Variants in TMCO5A observed in about 807,000 individuals in gnomAD.
The protein encoded by TMCO5A is transmembrane and coiled-coil domains 5A.
In TMCO5A, 34 loss-of-function variants were observed where a neutral mutation model predicts 42.3. The observed-to-expected ratio is 0.80, with a 90% confidence interval of 0.61 to 1.07. TMCO5A has a LOEUF of 1.07. Ranked by LOEUF, TMCO5A falls within the 50% of genes least tolerant of loss-of-function variation. The pLI, the probability that TMCO5A is intolerant of heterozygous loss-of-function variation, is 0.00. For synonymous variants in TMCO5A, 131 were observed against 115.6 expected (o/e 1.13, Z -0.86); for missense variants, 357 against 327.9 (o/e 1.09, Z -0.69).
the TMCO5A span, among the ~76,000 whole-genome samples, chr15:37,977,029 C>G: frequency 6.6e-6 from 1 of 152,138 alleles, no homozygotes; most frequent in Non-Finnish European, 1.5e-5. Flanking sequence ...ACCTTGGCCT[C>G]CCAAAGTGCT....
the TMCO5A span, among the ~76,000 whole-genome samples, chr15:38,013,130 G>T: frequency 6.6e-6 from 1 of 152,290 alleles, no homozygotes; most frequent in East Asian, 1.9e-4. Flanking sequence ...AGAGGCTGCT[G>T]ATGAATTCAC....
chr15:37,960,130 C>T (rs115374188), intron 11 of TMCO5A, among the ~76,000 whole-genome samples: 2,128 of 151,928 alleles, frequency 0.014, 57 homozygotes, highest in African/African-American at 0.049. Context: ...CACTGCACTA[C>T]ATTTGCAGTC....
intron 3 of TMCO5A, 23 bp from the exon 4 acceptor site, chr15:37,936,824 T>C (rs1225667182): frequency 1.9e-6 from 3 of 1,609,978 alleles, no homozygotes; most frequent in Non-Finnish European, 2.5e-6. Context: ...TGGGTCCTCA[T>C]GGCATGTGCT....
intron 11 of TMCO5A, among the ~76,000 whole-genome samples, chr15:37,966,326 C>T (rs1353336053): frequency 6.6e-6 from 1 of 151,518 alleles, no homozygotes; most frequent in African/African-American, 2.4e-5. Flanking sequence ...GATAGCAAAA[C>T]AGGGTGACTA....
the TMCO5A span, among the ~76,000 whole-genome samples, chr15:38,023,199 T>C: frequency 6.6e-6 from 1 of 151,930 alleles, no homozygotes; most frequent in Non-Finnish European, 1.5e-5. Flanking sequence ...AAATTGATCA[T>C]GATACAAAAT....
At chr15:38,024,922 G>C in the TMCO5A span, 2 of 152,432 alleles carry the variant, frequency 1.3e-5, no homozygotes. Context: ...CTATGAAACA[G>C]GAAGTTGACC....
chr15:37,981,328 G>T, the TMCO5A span, among the ~76,000 whole-genome samples: 2 of 151,534 alleles, frequency 1.3e-5, no homozygotes, highest in Admixed American at 6.6e-5. Flanking sequence ...TATTTTAAAA[G>T]ATAAGAAAGG....
the TMCO5A span, among the ~76,000 whole-genome samples, chr15:38,009,156 C>T: frequency 3.3e-5 from 5 of 152,182 alleles, no homozygotes; most frequent in Non-Finnish European, 7.4e-5. Context: ...GAATCCATTA[C>T]GTATCTTCTC....
chr15:37,966,478 C>G lies in TMCO5A; in HGVS notation c.669-147C>G, dbSNP rs76133227. The G allele has an allele frequency of 9.9e-3, 6,353 of 644,324 alleles. 141 individuals carry two copies. Among genetic ancestry groups the G allele is most frequent in the East Asian group, 0.063 (2,308 of 36,778 alleles). 39.9% of individuals were successfully genotyped at this position (644,324 alleles called of 1,614,324 possible). A position where few individuals can be genotyped will look rare whatever the true frequency, so the allele number is the denominator to read the frequency against. On this transcript the variant is annotated intron_variant, in intron 11 of 11. Transcript: ENST00000559502. ...TCATCGCATGCCTGTTTCAAAACATCTCATATACCCCATAAATATACACAC... is the reference window on the plus strand; with the variant it reads ...TCATCGCATGCCTGTTTCAAAACATGTCATATACCCCATAAATATACACAC...
chr15:38,014,928 A>T, the TMCO5A span, among the ~76,000 whole-genome samples: 2 of 142,874 alleles, frequency 1.4e-5, no homozygotes, highest in Admixed American at 1.4e-4. Flanking sequence ...TTACACAATC[A>T]TAAGGTCCCA....
At chr15:38,006,227 T>C in the TMCO5A span, among the ~76,000 whole-genome samples, 8 of 152,184 alleles carry the variant, frequency 5.3e-5, no homozygotes, top group Admixed American at 4.6e-4. Flanking sequence ...TGTGTTTTCT[T>C]CATGAGAGGC....
chr15:37,943,155 T>C lies in TMCO5A; in HGVS notation c.570-186T>C, dbSNP rs1889812777. ...TAACTACATATGGCAATTGAGTACA[T>C]AAAAGATGTACTCAACTGAGGAAAT... On this transcript the variant is annotated intron_variant, in intron 9 of 11. Transcript: ENST00000319669. 4 of 502,236 alleles carry C rather than the reference T, an allele frequency of 8.0e-6. No individual in the cohort carries two copies. In the Admixed American group the frequency reaches 1.1e-4, roughly 14 times the overall value. 31.1% of individuals were successfully genotyped at this position (502,236 alleles called of 1,614,324 possible). A position where few individuals can be genotyped will look rare whatever the true frequency, so the allele number is the denominator to read the frequency against.
chr15:38,029,788 ACT>A, the TMCO5A span, among the ~76,000 whole-genome samples: 1 of 152,088 alleles, frequency 6.6e-6, no homozygotes. Context: ...TGTTAATTCA[ACT>A]CTCTCAGAAC....
the TMCO5A span, among the ~76,000 whole-genome samples, chr15:38,010,233 G>A: frequency 6.6e-6 from 1 of 151,570 alleles, no homozygotes; most frequent in African/African-American, 2.4e-5. Flanking sequence ...AAAATTAGCC[G>A]GGCGTATTGG....
chr15:38,029,237 C>T, the TMCO5A span, among the ~76,000 whole-genome samples: 28 of 152,092 alleles, frequency 1.8e-4, no homozygotes, highest in South Asian at 6.2e-4. Flanking sequence ...CCCCCAGTGC[C>T]GGTTGGGTGT....
rs372649009 is a variant in TMCO5A, at chr15:37,947,716, G to A, written c.668+20G>A. ...TAAAAAGTAAGTAAAATATCTTCAG[G>A]TAAACTTCCTATAAAATTGGGAGCC... On this transcript the variant is annotated intron_variant, in intron 11 of 11. Transcript: ENST00000319669. 7.7e-6 allele frequency: 12 copies of A among 1,549,768 alleles called. No individual in the cohort carries two copies. Among genetic ancestry groups the A allele is most frequent in the Middle Eastern group, 1.7e-4 (1 of 5,942 alleles).
intron 11 of TMCO5A, among the ~76,000 whole-genome samples, chr15:37,948,572 C>G (rs1480617757): frequency 2.0e-5 from 3 of 152,032 alleles, no homozygotes; most frequent in Non-Finnish European, 2.9e-5. Context: ...TTCTCTTATA[C>G]TCCAACACAA....
At chr15:37,940,802 C>G (rs541245063) in intron 6 of TMCO5A, among the ~76,000 whole-genome samples, 15 of 152,138 alleles carry the variant, frequency 9.9e-5, no homozygotes, top group African/African-American at 3.6e-4. Flanking sequence ...AAGGAGTGAA[C>G]AAACACCTTA....
the TMCO5A span, among the ~76,000 whole-genome samples, chr15:37,983,050 T>C: frequency 6.6e-6 from 1 of 152,120 alleles, no homozygotes; most frequent in South Asian, 2.1e-4. Flanking sequence ...TAACTTTTAT[T>C]TTCTACCCAG....
Sources: allele counts gnomAD v4.1 joint callset (sites outside exome capture counted in the v4.1 genomes callset), GRCh38; gene constraint gnomAD v4.1.1; transcripts MANE v1.5; gene names NCBI Gene and HGNC (gene_info 2026-07-23, HGNC 2026-07-21).